CD1E: variants seen among roughly 807,000 people sequenced by gnomAD.
CD1E encodes CD1e molecule.
Under a neutral mutation model 40.1 loss-of-function variants are expected in CD1E, and 49 were observed. That is an observed-to-expected ratio of 1.22 (90% CI 0.97 to 1.55). The LOEUF (loss-of-function observed/expected upper bound fraction) is 1.55. CD1E is among the 40% of genes most tolerant of loss of function. The pLI is 0.00. For synonymous variants in CD1E, 189 were observed against 178.3 expected, an observed-to-expected ratio of 1.06 and a Z score of -0.48; for missense variants, 492 against 471.3, an observed-to-expected ratio of 1.04 and a Z score of -0.41.
intron 3 of CD1E, 64 bp downstream of exon 3, chr1:158,355,633 C>T: frequency 8.5e-6 from 13 of 1,530,528 alleles, no homozygotes; most frequent in Non-Finnish European, 1.1e-5. Context: ...TTGAATTTGC[C>T]TCTCATCATC....
At chr1:158,355,746 T>G (rs1653556538) in intron 3 of CD1E, 81 bp from the exon 4 acceptor site, 1 of 1,477,568 alleles carries the variant, frequency 6.8e-7, no homozygotes, top group Non-Finnish European at 9.0e-7. Context: ...CTTAGTATTA[T>G]TACAAAGGCA....
Position 158,356,972 on chromosome 1 carries a change from G to A in CD1E, c.*76G>A. 2 of 1,249,160 alleles carry A rather than the reference G, an allele frequency of 1.6e-6. No individual in the cohort carries two copies. The highest frequency in any genetic ancestry group is 2.5e-5 in the South Asian group (2 of 79,850). The allele number at this position is 1,249,160 out of a possible 1,614,324, so 77.4% of individuals were successfully genotyped here. A position where few individuals can be genotyped will look rare whatever the true frequency, so the allele number is the denominator to read the frequency against. On this transcript the variant is annotated 3_prime_UTR_variant, in exon 6 of 6. Coordinates refer to ENST00000368167, the MANE Select transcript of CD1E (RefSeq NM_030893.4). ...CGTCCATGTCCCATAAGGGAAGCAT[G>A]CTTTTATTTAAACAGTTTATACTAG...
intron 2 of CD1E, 34 bp from the exon 3 acceptor site, chr1:158,355,266 T>C: frequency 2.5e-6 from 4 of 1,591,758 alleles, no homozygotes; most frequent in Non-Finnish European, 3.4e-6. Context: ...TGTCATTCTT[T>C]CCATAATGAT....
rs1653796456 is a variant in CD1E at position 158,357,044 on chromosome 1, G to T, written c.*148G>T. ...GAATACTTTTTCCCCATCTTCCAGA[G>T]ATTTTTTTTTTCCTGCTTTGGCTAC... On this transcript the variant is annotated 3_prime_UTR_variant, in exon 6 of 6. Transcript: ENST00000368167. The T allele has an allele frequency of 1.1e-5, 7 of 621,876 alleles. No homozygotes were observed. The highest frequency in any genetic ancestry group is 2.8e-5 in the East Asian group (1 of 35,428). 38.5% of individuals were successfully genotyped at this position (621,876 alleles called of 1,614,324 possible).
rs930613093 is a variant in CD1E at position 158,356,647 on chromosome 1, C to A, written c.998+56C>A. 8.3e-6 allele frequency: 13 copies of A among 1,568,482 alleles called. No homozygotes were observed. In the African/African-American group the frequency reaches 1.6e-4, roughly 19 times the overall value. Reference sequence around the variant, plus strand: ...GCCTGTAATCAATTCATTCCTTTTTCCTCTATCTTCTTTTTTTTTTTCTCT... The same window carrying A: ...GCCTGTAATCAATTCATTCCTTTTTACTCTATCTTCTTTTTTTTTTTCTCT... On this transcript the variant is annotated intron_variant, in intron 5 of 5. Transcript: ENST00000368167.
At chr1:158,354,350 T>C in intron 1 of CD1E, 27 bp from the exon 2 acceptor site, 1 of 1,559,660 alleles carries the variant, frequency 6.4e-7, no homozygotes, top group Non-Finnish European at 8.7e-7. Flanking sequence ...TTACATTCTC[T>C]CTACTTGTCA....
In CD1E at chr1:158,355,547, G is replaced by A. The variant is rs1182262181; in HGVS notation, c.603G>A (p.Gly201=). The A allele has an allele frequency of 6.2e-7, 1 of 1,613,970 alleles. No individual in the cohort carries two copies. Among genetic ancestry groups the A allele is most frequent in the East Asian group, 2.2e-5 (1 of 44,878 alleles). Residue 201 remains glycine, a synonymous_variant, in exon 3 of 6, where the codon GGG becomes GGA. Transcript: ENST00000368167. The stretch of plus-strand genomic sequence containing the variant: ...TTCTAGCGGGGCTCATGGAAGCAGG[G>A]GAGTCAGAACTGAAACGGAAAGGTG... ...PRFLAGLMEA[G]ESELKRKVKP...
intron 1 of CD1E, 109 bp from the exon 2 acceptor site, chr1:158,354,268 A>G: frequency 9.3e-7 from 1 of 1,078,842 alleles, no homozygotes. Flanking sequence ...GTATTGGAGT[A>G]TGTACAAGCT....
rs1357912861 is a variant in CD1E at position 158,354,531 on chromosome 1, G to T, written c.213G>T (p.Leu71Phe). The T allele has an allele frequency of 2.5e-6, 4 of 1,614,066 alleles. No homozygotes were observed. Among genetic ancestry groups the T allele is most frequent in the Non-Finnish European group, 3.4e-6 (4 of 1,180,014 alleles). ...AGACTCATGGCTGGGACACTGTCTT[G>T]GGCACCATCCGCTTTCTGAAGCCCT... is the stretch of plus-strand genomic sequence containing the variant. ...DLQTHGWDTV[L>F]GTIRFLKPWS... The change falls in exon 2 of 6, where the codon TTG (leucine) becomes TTT (phenylalanine). Residue 71 changes from leucine (L) to phenylalanine (F), a missense_variant. By Grantham distance (22) the Leu-to-Phe change is conservative (BLOSUM62 0). Transcript: ENST00000368167.
In CD1E at chr1:158,354,555, C is replaced by G; in HGVS notation, c.237C>G (p.Pro79=). Residue 79 remains proline, a synonymous_variant, in exon 2 of 6, where the codon CCC becomes CCG. Transcript: ENST00000368167. The part of the protein sequence containing the change: ...TVLGTIRFLK[P]WSHGNFSKQE... ...TGGGCACCATCCGCTTTCTGAAGCCCTGGTCCCATGGAAACTTCAGCAAGC... is the reference window on the plus strand; with the variant it reads ...TGGGCACCATCCGCTTTCTGAAGCCGTGGTCCCATGGAAACTTCAGCAAGC... 1 of 1,614,138 alleles carries G rather than the reference C, an allele frequency of 6.2e-7. No homozygotes were observed. Among genetic ancestry groups the G allele is most frequent in the East Asian group, 2.2e-5 (1 of 44,878 alleles).
At chr1:158,354,696 A>G (rs1653398971) in intron 2 of CD1E, 23 bp downstream of exon 2, 2 of 1,593,818 alleles carry the variant, frequency 1.3e-6, no homozygotes, top group Non-Finnish European at 1.7e-6. Flanking sequence ...CTCTAAGCTG[A>G]TAATTTGCCT....
chr1:158,354,390 A>G lies in CD1E; in HGVS notation c.72A>G (p.Leu24=). Residue 24 remains leucine, a synonymous_variant, in exon 2 of 6, where the codon CTA becomes CTG. Coordinates refer to ENST00000368167, the MANE Select transcript of CD1E (RefSeq NM_030893.4). ...CCTCTCTCTCAGCTCCCCAGGCTCT[A>G]CAATCCTATCATCTAGCAGCAGAGG... The part of the protein sequence containing the change: ...PGENTAAPQA[L]QSYHLAAEEQ... 2 of 1,607,844 alleles carry G rather than the reference A, an allele frequency of 1.2e-6. No individual in the cohort carries two copies. The highest frequency in any genetic ancestry group is 1.7e-6 in the Non-Finnish European group (2 of 1,176,868).
intron 1 of CD1E, 79 bp downstream of exon 1, chr1:158,354,125 GA>G: frequency 8.0e-7 from 1 of 1,245,720 alleles, no homozygotes; most frequent in Non-Finnish European, 1.2e-6. Flanking sequence ...GGTCCTGGGG[GA>G]AGGGAGCAGT....
chr1:158,354,308 T>C, intron 1 of CD1E, 69 bp from the exon 2 acceptor site: 2 of 1,466,816 alleles, frequency 1.4e-6, no homozygotes, highest in Non-Finnish European at 1.8e-6. Flanking sequence ...CTGGGTTCCT[T>C]TTTTCCCTTT....
Position 158,355,534 on chromosome 1 carries a change from T to C in CD1E, c.590T>C (p.Leu197Pro), listed in dbSNP as rs192732251. The part of the protein sequence containing the change: ...GHTCPRFLAG[L>P]MEAGESELKR... ...ACCTGCCCTCGATTTCTAGCGGGGC[T>C]CATGGAAGCAGGGGAGTCAGAACTG... The change falls in exon 3 of 6, where the codon CTC (leucine) becomes CCC (proline). Residue 197 changes from leucine (L) to proline (P), a missense_variant. Physicochemically the swap from Leu to Pro is moderately conservative, Grantham distance 98 (BLOSUM62 -3). Coordinates refer to ENST00000368167, the MANE Select transcript of CD1E (RefSeq NM_030893.4). 13 of 1,614,080 alleles carry C rather than the reference T, an allele frequency of 8.1e-6. No individual in the cohort carries two copies. In the Admixed American group the frequency reaches 8.3e-5, roughly 10 times the overall value.
chr1:158,354,403 C>A lies in CD1E; in HGVS notation c.85C>A (p.Leu29Ile). 1 of 1,611,816 alleles carries A rather than the reference C, an allele frequency of 6.2e-7. No homozygotes were observed. The highest frequency in any genetic ancestry group is 1.1e-5 in the South Asian group (1 of 90,546). ...TCCCCAGGCTCTACAATCCTATCAT[C>A]TAGCAGCAGAGGAGCAGCTGTCCTT... is the stretch of plus-strand genomic sequence containing the variant. ...AAPQALQSYHLAAEEQLSFRM... is the reference protein window; with the variant it reads ...AAPQALQSYHIAAEEQLSFRM... Residue 29 changes from leucine (L) to isoleucine (I), a missense_variant, in exon 2 of 6, where the codon CTA becomes ATA. Transcript: ENST00000368167.
At chr1:158,354,713 A>G in intron 2 of CD1E, 40 bp downstream of exon 2, 1 of 1,558,280 alleles carries the variant, frequency 6.4e-7, no homozygotes, top group African/African-American at 1.4e-5. Flanking sequence ...GCCTGGGAAC[A>G]CCAACTATTT....
rs35116276 is a variant in CD1E at position 158,355,390 on chromosome 1, G to T, written c.446G>T (p.Ser149Ile). The change falls in exon 3 of 6, where the codon AGT (serine) becomes ATT (isoleucine). Residue 149 changes from serine to isoleucine, a missense_variant. Ser to Ile is a moderately radical substitution (Grantham distance 142, BLOSUM62 -2). Coordinates refer to ENST00000368167, the MANE Select transcript of CD1E (RefSeq NM_030893.4). The stretch of plus-strand genomic sequence containing the variant: ...GCATATCAAGGGTCAGATTTCCTGA[G>T]TTTCCAAGGAATTTCCTGGGAGCCA... ...NMAYQGSDFL[S>I]FQGISWEPSP... 2 of 1,614,136 alleles carry T rather than the reference G, an allele frequency of 1.2e-6. No homozygotes were observed. Among genetic ancestry groups the T allele is most frequent in the Non-Finnish European group, 1.7e-6 (2 of 1,180,036 alleles).
intron 1 of CD1E, 62 bp downstream of exon 1, chr1:158,354,108 C>G (rs1188479248): frequency 9.1e-6 from 13 of 1,430,658 alleles, no homozygotes; most frequent in African/African-American, 4.2e-5. Context: ...AGAGGAAGCT[C>G]TGGGGAGGTC....
Sources: allele counts gnomAD v4.1 joint callset, GRCh38; gene constraint gnomAD v4.1.1; transcripts MANE v1.5; gene names NCBI Gene and HGNC (gene_info 2026-07-23, HGNC 2026-07-21).